C6orf163: variants seen among roughly 807,000 people sequenced by gnomAD.
The protein encoded by C6orf163 is uncharacterized protein C6orf163.
In C6orf163, 22 loss-of-function variants were observed where a neutral mutation model predicts 28.4. The observed-to-expected ratio is 0.78, with a 90% CI of 0.55 to 1.11. C6orf163 has a LOEUF of 1.11. Ranked by LOEUF, C6orf163 falls within the 50% of genes least tolerant of loss-of-function variation. The pLI, the probability that C6orf163 is intolerant of heterozygous loss-of-function variation, is 0.00. For synonymous variants in C6orf163, 110 were observed against 123.6 expected, an observed-to-expected ratio of 0.89 and a Z score of 0.73; for missense variants, 342 against 389.1, an observed-to-expected ratio of 0.88 and a Z score of 1.02.
Position 87,345,169 on chromosome 6 carries a change from C to T in C6orf163, c.70C>T (p.Pro24Ser). Residue 24 changes from proline to serine, a missense_variant, in exon 1 of 5, where the codon CCT (proline) becomes TCT (serine). Transcript: ENST00000388923. ...TTGTAATAAAATAATTCCACCAGCC[C>T]CTTTTGGAAAAACCTTCAAACGGAT... ...AVCNKIIPPA[P>S]FGKTFKRIHE... 1.3e-6 allele frequency: 2 copies of T among 1,536,714 alleles called. No homozygotes were observed. The highest frequency in any genetic ancestry group is 1.7e-6 in the Non-Finnish European group (2 of 1,146,686).
intron 3 of C6orf163, among the ~76,000 whole-genome samples, chr6:87,354,189 A>G (rs1446045464): frequency 6.6e-6 from 1 of 152,214 alleles, no homozygotes; most frequent in South Asian, 2.1e-4. Context: ...TTGGAAATAG[A>G]TTAAATATTG....
intron 1 of C6orf163, chr6:87,347,549 G>A (rs756491474): frequency 1.7e-5 from 17 of 985,252 alleles, no homozygotes; most frequent in Middle Eastern, 5.2e-4. Flanking sequence ...CATCTCCACC[G>A]TAATATATGC....
At chr6:87,352,825 C>CTCAG (rs1261133872) in intron 3 of C6orf163, among the ~76,000 whole-genome samples, 6 of 152,114 alleles carry the variant, frequency 3.9e-5, no homozygotes, top group Non-Finnish European at 8.8e-5. Context: ...ACTTGAGAGG[C>CTCAG]TCAGATATTC....
intron 1 of C6orf163, chr6:87,348,039 C>G (rs1249643078): frequency 2.1e-6 from 1 of 484,464 alleles, no homozygotes; most frequent in Non-Finnish European, 2.7e-6. Flanking sequence ...GCCTGTAATT[C>G]CAGCTACTCG....
chr6:87,352,347 A>T (rs1424102090), intron 3 of C6orf163, among the ~76,000 whole-genome samples: 2 of 152,004 alleles, frequency 1.3e-5, no homozygotes, highest in Non-Finnish European at 2.9e-5. Context: ...TGACCTACAG[A>T]CTCCATCAGC....
At chr6:87,353,895 A>G (rs1647204943) in intron 3 of C6orf163, among the ~76,000 whole-genome samples, 1 of 152,188 alleles carries the variant, frequency 6.6e-6, no homozygotes, top group African/African-American at 2.4e-5. Context: ...TCTGTAGCCC[A>G]CGCAGGAGTG....
chr6:87,365,014 A>C lies in C6orf163; in HGVS notation c.608A>C (p.Lys203Thr), dbSNP rs1777625487. 6.4e-7 allele frequency: 1 copy of C among 1,551,674 alleles called. No homozygotes were observed. Reference sequence around the variant, plus strand: ...GGTGTCACAGTTATTAAGGATGAGAAGACCAGTGTGGCCCGACTGATGAGG... The same window carrying C: ...GGTGTCACAGTTATTAAGGATGAGACGACCAGTGTGGCCCGACTGATGAGG... ...NTGVTVIKDE[K>T]TSVARLMREK... The change falls in exon 5 of 5, where the codon AAG (lysine) becomes ACG (threonine). Residue 203 changes from lysine to threonine, a missense_variant. Lys to Thr is a moderately conservative substitution (Grantham distance 78, BLOSUM62 -1). Coordinates refer to ENST00000388923, the MANE Select transcript of C6orf163 (RefSeq NM_001010868.3).
Position 87,348,797 on chromosome 6 carries a change from T to A in C6orf163, c.149-15T>A. ...GTCGGTGGAGGTTTGTGACCATTGC[T>A]CTTCAAATACACAGATATTGGGGCA... is the stretch of plus-strand genomic sequence containing the variant. On this transcript the variant is annotated splice_polypyrimidine_tract_variant and intron_variant, in intron 1 of 4. Transcript: ENST00000388923. 2.6e-6 allele frequency: 4 copies of A among 1,536,680 alleles called. No individual in the cohort carries two copies. The highest frequency in any genetic ancestry group is 3.5e-6 in the Non-Finnish European group (4 of 1,146,658).
At chr6:87,347,557 T>C (rs1448887661) in intron 1 of C6orf163, 31 of 985,356 alleles carry the variant, frequency 3.1e-5, no homozygotes, top group Non-Finnish European at 3.6e-5. Context: ...CCGTAATATA[T>C]GCTGCCCTGT....
At chr6:87,364,449 C>T (rs979218734) in intron 4 of C6orf163, among the ~76,000 whole-genome samples, 3 of 152,034 alleles carry the variant, frequency 2.0e-5, no homozygotes, top group Non-Finnish European at 2.9e-5. Context: ...TTGGCTTCCT[C>T]GATAATTTTG....
rs1777627160 is a variant in C6orf163 at position 87,365,126 on chromosome 6, G to T, written c.720G>T (p.Glu240Asp). The T allele has an allele frequency of 9.7e-6, 15 of 1,551,872 alleles. No individual in the cohort carries two copies. Among genetic ancestry groups the T allele is most frequent in the Non-Finnish European group, 1.3e-5 (15 of 1,147,080 alleles). Residue 240 changes from glutamate to aspartate, a missense_variant, in exon 5 of 5, where the codon GAG becomes GAT. Physicochemically the swap from Glu to Asp is conservative, Grantham distance 45 (BLOSUM62 2). Transcript: ENST00000388923. Reference protein sequence around the residue: ...EEVQEVLQEAEKTHQATLGNM... With the variant: ...EEVQEVLQEADKTHQATLGNM... ...TACAGGAAGTGCTTCAAGAAGCAGA[G>T]AAAACACATCAGGCCACTCTTGGCA...
At position 87,348,913 on chromosome 6, in the gene C6orf163, G is replaced by T. The variant is rs770816665; in HGVS notation, c.243+7G>T. 4.6e-6 allele frequency: 7 copies of T among 1,535,898 alleles called. No homozygotes were observed. The South Asian group carries it at 8.4e-5, about 18-fold the overall frequency. On this transcript the variant is annotated splice_region_variant and intron_variant, in intron 2 of 4. Coordinates refer to ENST00000388923, the MANE Select transcript of C6orf163 (RefSeq NM_001010868.3). ...AGCTGAAGTATGGGCTCAGGTAAAA[G>T]AAGTTACATGTCAACCTAAAGTCCA...
Position 87,345,190 on chromosome 6 carries a change from C to G in C6orf163, c.91C>G (p.Arg31Gly). The stretch of plus-strand genomic sequence containing the variant: ...AGCCCCTTTTGGAAAAACCTTCAAA[C>G]GGATCCATGAATACAAGCCACTTAA... ...PPAPFGKTFK[R>G]IHEYKPLKTR... The change falls in exon 1 of 5, where the codon CGG becomes GGG. Residue 31 changes from arginine to glycine, a missense_variant. By Grantham distance (125) the Arg-to-Gly change is moderately radical. Transcript: ENST00000388923. 6.5e-7 allele frequency: 1 copy of G among 1,536,746 alleles called. No individual in the cohort carries two copies. The highest frequency in any genetic ancestry group is 8.7e-7 in the Non-Finnish European group (1 of 1,146,734).
At position 87,365,274 on chromosome 6, in the gene C6orf163, C is replaced by CA. The variant is rs934831282; in HGVS notation, c.873dup (p.Tyr292IlefsTer8). The CA allele has an allele frequency of 3.2e-6, 5 of 1,551,496 alleles. No homozygotes were observed. The highest frequency in any genetic ancestry group is 4.4e-6 in the Non-Finnish European group (5 of 1,146,946). ...ATTACAGGAAACCAGGATGGCATTT[C>CA]AAAAATACATCAATTATACCTTTCC... On this transcript the variant is annotated frameshift_variant, in exon 5 of 5. Transcript: ENST00000388923. LOFTEE classifies it high-confidence loss of function.
intron 4 of C6orf163, among the ~76,000 whole-genome samples, chr6:87,363,133 A>C (rs1459204192): frequency 6.6e-6 from 1 of 152,194 alleles, no homozygotes; most frequent in African/African-American, 2.4e-5. Flanking sequence ...ATGTATGCAT[A>C]GAATGCTCAT....
At chr6:87,351,879 G>A (rs889557051) in intron 3 of C6orf163, among the ~76,000 whole-genome samples, 2 of 152,172 alleles carry the variant, frequency 1.3e-5, no homozygotes, top group African/African-American at 2.4e-5. Flanking sequence ...CATTCAGATA[G>A]GTGGGCCCTA....
At chr6:87,348,415 TCTC>T in intron 1 of C6orf163, 3 of 990,956 alleles carry the variant, frequency 3.0e-6, no homozygotes, top group Non-Finnish European at 3.6e-6. Context: ...CCACTTCCCT[TCTC>T]CTGATGCTAG....
At chr6:87,354,459 C>G (rs899294253) in intron 3 of C6orf163, among the ~76,000 whole-genome samples, 1 of 152,156 alleles carries the variant, frequency 6.6e-6, no homozygotes, top group African/African-American at 2.4e-5. Flanking sequence ...GTCTACCAAG[C>G]CTGGATCATT....
intron 3 of C6orf163, among the ~76,000 whole-genome samples, chr6:87,351,276 G>C (rs1777408524): frequency 6.6e-6 from 1 of 152,242 alleles, no homozygotes; most frequent in African/African-American, 2.4e-5. Flanking sequence ...ACAATACACG[G>C]GCAGAAGCTG....
Sources: gnomAD v4.1 joint callset for allele counts (sites outside exome capture counted in the v4.1 genomes callset) on GRCh38, gnomAD v4.1.1 for gene constraint, MANE v1.5 for transcripts, NCBI Gene and HGNC (gene_info 2026-07-23, HGNC 2026-07-21) for gene names.